Variants in RANBP2 observed in about 807,000 individuals in gnomAD.
RANBP2 encodes E3 SUMO-protein ligase RanBP2.
Under a neutral mutation model 303.6 loss-of-function variants are expected in RANBP2, and 57 were observed. That is an observed-to-expected ratio of 0.19 (90% CI 0.15 to 0.23). The LOEUF (loss-of-function observed/expected upper bound fraction) is 0.23, where lower values mean the gene tolerates loss of function less well. Among genes scored for constraint, RANBP2 ranks in the 10% least tolerant of loss-of-function variants. RANBP2 has a pLI of 1.00. For synonymous variants in RANBP2, 1,167 were observed against 1,301.5 expected, an observed-to-expected ratio of 0.90 and a Z score of 2.23; for missense variants, 3,138 against 3,780.8, an observed-to-expected ratio of 0.83 and a Z score of 4.46.
chr2:109,654,956 G>T, the RANBP2 span, among the ~76,000 whole-genome samples: 6 of 151,122 alleles, frequency 4.0e-5, no homozygotes, highest in Non-Finnish European at 5.9e-5. Context: ...AGGCTAGAGC[G>T]CAGTGGCGTG....
the RANBP2 span, among the ~76,000 whole-genome samples, chr2:108,954,291 GACCTAT>G: frequency 6.6e-6 from 1 of 152,144 alleles, no homozygotes; most frequent in Non-Finnish European, 1.5e-5. Flanking sequence ...TATACATCAA[GACCTAT>G]ACCCCAAGAT....
chr2:108,737,963 C>T (rs1695751390), intron 6 of RANBP2, among the ~76,000 whole-genome samples: 1 of 151,774 alleles, frequency 6.6e-6, no homozygotes, highest in East Asian at 2.0e-4. Context: ...ATCTGCCCTC[C>T]TCGGCCTCCC....
the RANBP2 span, chr2:109,398,872 A>G: frequency 1.9e-6 from 3 of 1,613,830 alleles, no homozygotes. Context: ...AGTGTTGATC[A>G]GCTCCAGCGA....
At chr2:109,548,244 C>CA in the RANBP2 span, among the ~76,000 whole-genome samples, 1 of 151,544 alleles carries the variant, frequency 6.6e-6, no homozygotes, top group African/African-American at 2.4e-5. Flanking sequence ...TGCCCTCTAA[C>CA]AACACAACCA....
the RANBP2 span, among the ~76,000 whole-genome samples, chr2:109,743,495 C>G: frequency 1.5e-4 from 22 of 145,700 alleles, no homozygotes; most frequent in African/African-American, 5.7e-4. Flanking sequence ...ATAACAATTG[C>G]TGTTCTGTGA....
At chr2:109,302,901 G>C in the RANBP2 span, among the ~76,000 whole-genome samples, 1 of 152,104 alleles carries the variant, frequency 6.6e-6, no homozygotes, top group Admixed American at 6.5e-5. Flanking sequence ...TTTTGAGGCA[G>C]AGTCTTGCTC....
At chr2:109,267,621 G>T in the RANBP2 span, among the ~76,000 whole-genome samples, 1 of 152,188 alleles carries the variant, frequency 6.6e-6, no homozygotes, top group Non-Finnish European at 1.5e-5. Context: ...CTGAGGGAGG[G>T]CCGGGAGCCA....
chr2:109,280,954 C>T, the RANBP2 span, among the ~76,000 whole-genome samples: 1 of 152,182 alleles, frequency 6.6e-6, no homozygotes, highest in Non-Finnish European at 1.5e-5. Flanking sequence ...GCATCAGGTT[C>T]CCTAGGTGGC....
At chr2:109,005,299 G>GT in the RANBP2 span, among the ~76,000 whole-genome samples, 1 of 152,186 alleles carries the variant, frequency 6.6e-6, no homozygotes, top group Non-Finnish European at 1.5e-5. Flanking sequence ...CCTGTCCTAA[G>GT]TTTTCTATAA....
At chr2:109,260,943 G>A in the RANBP2 span, among the ~76,000 whole-genome samples, 1 of 152,202 alleles carries the variant, frequency 6.6e-6, no homozygotes, top group Non-Finnish European at 1.5e-5. Flanking sequence ...TTTACAAGCA[G>A]TGAGGCTGGA....
At chr2:109,126,213 C>T in the RANBP2 span, among the ~76,000 whole-genome samples, 3 of 152,188 alleles carry the variant, frequency 2.0e-5, no homozygotes, top group Middle Eastern at 3.4e-3. Context: ...CATCTGGGTG[C>T]ATAGTCTGTG....
At chr2:109,079,139 C>A in the RANBP2 span, among the ~76,000 whole-genome samples, 3 of 152,124 alleles carry the variant, frequency 2.0e-5, no homozygotes, top group Non-Finnish European at 4.4e-5. Context: ...CTGCCTCTGC[C>A]AGCAAGGCCA....
At chr2:109,725,093 G>T in the RANBP2 span, among the ~76,000 whole-genome samples, 19 of 152,318 alleles carry the variant, frequency 1.2e-4, no homozygotes, top group African/African-American at 4.6e-4. Flanking sequence ...GTGCCAGGCT[G>T]CTCTAGATAC....
the RANBP2 span, among the ~76,000 whole-genome samples, chr2:108,926,589 C>T: frequency 6.6e-6 from 1 of 152,232 alleles, no homozygotes; most frequent in South Asian, 2.1e-4. Flanking sequence ...GGTGGAGCTC[C>T]TCCGGGGTGA....
At chr2:108,974,351 A>AAAAG in the RANBP2 span, among the ~76,000 whole-genome samples, 25 of 150,988 alleles carry the variant, frequency 1.7e-4, no homozygotes, top group African/African-American at 5.9e-4. Context: ...AAAAAAAAAA[A>AAAAG]AAAGAAATGC....
At chr2:109,100,915 A>C in the RANBP2 span, among the ~76,000 whole-genome samples, 1 of 152,264 alleles carries the variant, frequency 6.6e-6, no homozygotes, top group Admixed American at 6.5e-5. Flanking sequence ...CAGAGATTTA[A>C]GTCAATTGTG....
chr2:109,223,810 T>C, the RANBP2 span, among the ~76,000 whole-genome samples: 1 of 152,202 alleles, frequency 6.6e-6, no homozygotes, highest in Non-Finnish European at 1.5e-5. Context: ...GTTCAATACA[T>C]GTTTGTGCAG....
the RANBP2 span, chr2:109,251,408 A>C: frequency 1.4e-6 from 1 of 696,260 alleles, no homozygotes; most frequent in African/African-American, 1.8e-5. Flanking sequence ...CTGTGAGTGC[A>C]TGGAGTAGAC....
chr2:109,453,940 G>A, the RANBP2 span, among the ~76,000 whole-genome samples: 1 of 152,198 alleles, frequency 6.6e-6, no homozygotes, highest in African/African-American at 2.4e-5. Context: ...GGGAGAGGTA[G>A]CAGGCAGCCC....
Sources: gnomAD v4.1 joint callset for allele counts (sites outside exome capture counted in the v4.1 genomes callset) on GRCh38, gnomAD v4.1.1 for gene constraint, MANE v1.5 for transcripts, NCBI Gene and HGNC (gene_info 2026-07-23, HGNC 2026-07-21) for gene names.